CACNA1G: variants seen among roughly 807,000 people sequenced by gnomAD.
CACNA1G encodes calcium voltage-gated channel subunit alpha1 G.
CACNA1G carries 67 observed loss-of-function variants against 219.4 expected under a neutral mutation model. The ratio of observed to expected loss-of-function variants is 0.31; its 90% confidence interval spans 0.25 to 0.37. The LOEUF is 0.37. Ranked by LOEUF, CACNA1G falls within the 10% of genes least tolerant of loss-of-function variation. The pLI, the probability that CACNA1G is intolerant of heterozygous loss-of-function variation, is 1.00. For missense variants in CACNA1G, 2,380 were observed against 3,231.4 expected (o/e 0.74, Z 6.39); for synonymous variants, 1,296 against 1,345.3 (o/e 0.96, Z 0.80).
Position 50,600,760 on chromosome 17 carries a change from C to T in CACNA1G, c.3725C>T (p.Ala1242Val), listed in dbSNP as rs753088716. The stretch of plus-strand genomic sequence containing the variant: ...GAACGGGTCCGCGCGTGGATCCGAG[C>T]CCGACTCCCTGCCTGCTGCCTCGAG... ...KGERVRAWIR[A>V]RLPACCLERD... The change falls in exon 18 of 38, where the codon GCC (alanine) becomes GTC (valine). Residue 1242 changes from alanine to valine, a missense_variant. By Grantham distance (64) the Ala-to-Val change is moderately conservative. Coordinates refer to ENST00000359106, the MANE Select transcript of CACNA1G (RefSeq NM_018896.5). This position sits in a 1 kb window ranked among gnomAD's most constrained non-coding sequence, Gnocchi z 4.1. 6.2e-7 allele frequency: 1 copy of T among 1,613,848 alleles called. No homozygotes were observed. The highest frequency in any genetic ancestry group is 1.7e-5 in the Admixed American group (1 of 60,028).
At chr17:50,569,090 TG>T in intron 2 of CACNA1G, 74 bp from the exon 3 acceptor site, 1 of 1,569,650 alleles carries the variant, frequency 6.4e-7, no homozygotes, top group Non-Finnish European at 8.7e-7. Context: ...ACCCAACTGG[TG>T]GGGACTAGGG....
chr17:50,601,021 C>G (rs373435205), intron 18 of CACNA1G, 30 bp from the exon 19 acceptor site: 7 of 1,609,064 alleles, frequency 4.4e-6, no homozygotes, highest in African/African-American at 2.7e-5. Flanking sequence ...CTGCCTCCCC[C>G]TCTCAGCCGT....
intron 23 of CACNA1G, chr17:50,606,273 G>C (rs1251951173): frequency 1.4e-6 from 1 of 717,696 alleles, no homozygotes; most frequent in Admixed American, 2.0e-5. Context: ...AGGGTAAGGG[G>C]CTTGCCCAGG....
Position 50,618,947 on chromosome 17 carries a change from G to A in CACNA1G, c.5720G>A (p.Gly1907Glu), listed in dbSNP as rs762409956. The A allele has an allele frequency of 1.6e-5, 26 of 1,596,292 alleles. No individual in the cohort carries two copies. Among genetic ancestry groups the A allele is most frequent in the Non-Finnish European group, 2.1e-5 (25 of 1,170,260 alleles). The change falls in exon 33 of 38, where the codon GGG (glycine) becomes GAG (glutamate). Residue 1907 changes from glycine (G) to glutamate (E), a missense_variant. This residue lies in a region of CACNA1G where 672 missense variants were observed against 670.5 expected (regional missense o/e 1.00). Transcript: ENST00000359106. The surrounding 1 kb of genome is among the most constrained non-coding windows in gnomAD (Gnocchi z 5.3). Reference protein sequence around the residue: ...GPDSPDSPKPGALHPAAHARS... With the variant: ...GPDSPDSPKPEALHPAAHARS... Reference sequence around the variant, plus strand: ...GACAGCCCCGACAGCCCCAAGCCTGGGGCTCTGCACCCAGCGGCCCACGCG... The same window carrying A: ...GACAGCCCCGACAGCCCCAAGCCTGAGGCTCTGCACCCAGCGGCCCACGCG...
At chr17:50,568,550 C>T (rs143921345) in intron 1 of CACNA1G, among the ~76,000 whole-genome samples, 40 of 152,348 alleles carry the variant, frequency 2.6e-4, no homozygotes, top group African/African-American at 9.6e-4. Flanking sequence ...GCAGCAAACT[C>T]ATGGTGTCTG....
In CACNA1G at chr17:50,569,728, C is replaced by T. The variant is rs2144656854; in HGVS notation, c.511C>T (p.Leu171=). ...CAGGATGCTGGAGTACTCGCTGGAC[C>T]TGCAGAACGTCAGCTTCTCAGCTGT... The part of the protein sequence containing the change: ...IAGMLEYSLD[L]QNVSFSAVRT... Residue 171 remains leucine, a synonymous_variant, in exon 4 of 38, where the codon CTG becomes TTG. Transcript: ENST00000359106. The T allele has an allele frequency of 1.9e-6, 3 of 1,550,884 alleles. No homozygotes were observed. Among genetic ancestry groups the T allele is most frequent in the African/African-American group, 2.7e-5 (2 of 73,158 alleles).
rs2145766331 is a variant in CACNA1G at position 50,600,111 on chromosome 17, G to A, written c.3690+252G>A. On this transcript the variant is annotated intron_variant, in intron 17 of 37. Transcript: ENST00000359106. This position sits in a 1 kb window ranked among gnomAD's most constrained non-coding sequence, Gnocchi z 4.1. ...GATATGAATGATTTTGGACAGATGT[G>A]TATGAATCTTTCATGGCCCTCCCCC... 6.6e-6 allele frequency among the ~76,000 whole-genome samples: 1 copy of A among 152,288 alleles called. No homozygotes were observed. The highest frequency in any genetic ancestry group is 2.1e-4 in the South Asian group (1 of 4,822).
At chr17:50,609,315 C>T (rs2048669032) in intron 25 of CACNA1G, among the ~76,000 whole-genome samples, 2 of 152,130 alleles carry the variant, frequency 1.3e-5, no homozygotes, top group Non-Finnish European at 2.9e-5. Flanking sequence ...CTCTGGGCAG[C>T]AATGGGAGGT....
At chr17:50,585,610 T>C (rs530989054) in intron 9 of CACNA1G, among the ~76,000 whole-genome samples, 1 of 151,926 alleles carries the variant, frequency 6.6e-6, no homozygotes, top group Non-Finnish European at 1.5e-5. Flanking sequence ...GGGGGCACCA[T>C]GACACCTAGC....
Position 50,609,916 on chromosome 17 carries a change from C to T in CACNA1G, c.4740C>T (p.Ser1580=). 1 of 1,611,308 alleles carries T rather than the reference C, an allele frequency of 6.2e-7. No individual in the cohort carries two copies. Among genetic ancestry groups the T allele is most frequent in the East Asian group, 2.2e-5 (1 of 44,886 alleles). The change falls in exon 26 of 38, where the codon AGC becomes AGT. Residue 1580 remains serine, a synonymous_variant. Transcript: ENST00000359106. The stretch of plus-strand genomic sequence containing the variant: ...TGGACGATGTAATTGCTTCCGGCAG[C>T]TCAGCCAGCGCTGCGTCAGGTACTG... ...LMLDDVIASG[S]SASAASEAQC... is the part of the protein sequence containing the mutation.
At chr17:50,611,176 C>T (rs2049115551) in intron 26 of CACNA1G, among the ~76,000 whole-genome samples, 1 of 151,264 alleles carries the variant, frequency 6.6e-6, no homozygotes, top group South Asian at 2.1e-4. Flanking sequence ...ATCGCTTCAA[C>T]CCGGGAGGCG....
chr17:50,570,985 G>C (rs2039312216), intron 4 of CACNA1G, among the ~76,000 whole-genome samples: 1 of 152,232 alleles, frequency 6.6e-6, no homozygotes, highest in African/African-American at 2.4e-5. Flanking sequence ...AGCCATTAGA[G>C]ATCTGTCTGC....
Position 50,617,606 on chromosome 17 carries a change from G to A in CACNA1G, c.5155+35G>A, listed in dbSNP as rs1241635570. ...CAGCCCACGCACCTGCCCTCCTAGG[G>A]TGACCAGCCCAGGGAGAGAGAGCAA... is the stretch of plus-strand genomic sequence containing the variant. On this transcript the variant is annotated intron_variant, in intron 29 of 37. Transcript: ENST00000359106. The surrounding 1 kb of genome is among the most constrained non-coding windows in gnomAD (Gnocchi z 5.8). The A allele has an allele frequency of 3.7e-6, 6 of 1,608,106 alleles. No individual in the cohort carries two copies. The East Asian group carries it at 1.1e-4, about 30-fold the overall frequency.
intron 23 of CACNA1G, 116 bp from the exon 24 acceptor site, chr17:50,606,784 C>G: frequency 1.4e-6 from 1 of 729,002 alleles, no homozygotes; most frequent in Non-Finnish European, 2.5e-6. Context: ...TCCAGCTTGA[C>G]CCCTCAAGGG....
At position 50,561,307 on chromosome 17, in the gene CACNA1G, C is replaced by T; in HGVS notation, c.-153C>T. ...AGCATGCCCCTGCGGGCAGGGGGAGCTGGGCTGAACTGGCCCTCCCGGGGG... is the reference window on the plus strand; with the variant it reads ...AGCATGCCCCTGCGGGCAGGGGGAGTTGGGCTGAACTGGCCCTCCCGGGGG... On this transcript the variant is annotated 5_prime_UTR_variant, in exon 1 of 38. Transcript: ENST00000359106. 1 of 864,210 alleles carries T rather than the reference C, an allele frequency of 1.2e-6. No homozygotes were observed. The highest frequency in any genetic ancestry group is 1.7e-6 in the Non-Finnish European group (1 of 581,372). The allele number at this position is 864,210 out of a possible 1,614,324, so 53.5% of individuals were successfully genotyped here.
intron 9 of CACNA1G, among the ~76,000 whole-genome samples, chr17:50,581,404 G>A (rs1161590298): frequency 1.3e-5 from 2 of 151,966 alleles, no homozygotes; most frequent in African/African-American, 4.8e-5. Flanking sequence ...ATGGGGGGGC[G>A]GGCACTGGAA....
intron 26 of CACNA1G, among the ~76,000 whole-genome samples, chr17:50,611,715 T>C (rs147476993): frequency 2.6e-5 from 4 of 152,274 alleles, no homozygotes; most frequent in Admixed American, 6.5e-5. Flanking sequence ...GACTGAAGTG[T>C]GCACACTTTC....
chr17:50,603,204 C>T lies in CACNA1G; in HGVS notation c.4169+5C>T. The T allele has an allele frequency of 6.3e-7, 1 of 1,599,992 alleles. No individual in the cohort carries two copies. Among genetic ancestry groups the T allele is most frequent in the Middle Eastern group, 2.0e-4 (1 of 5,044 alleles). On this transcript the variant is annotated splice_donor_5th_base_variant and intron_variant, in intron 21 of 37. Transcript: ENST00000359106. The surrounding 1 kb of genome is among the most constrained non-coding windows in gnomAD (Gnocchi z 6.4). ...GCGGACCCTGCGCCCGCTCAGGTGA[C>T]TCCCTCCCCAGCACTGGAACACCTC...
At chr17:50,587,667 A>C (rs552425632) in intron 9 of CACNA1G, among the ~76,000 whole-genome samples, 61 of 152,362 alleles carry the variant, frequency 4.0e-4, no homozygotes, top group Admixed American at 2.9e-3. Flanking sequence ...GGCAGGGCCG[A>C]GGGAGTGCGC....
Sources: gnomAD v4.1 joint callset for allele counts (sites outside exome capture counted in the v4.1 genomes callset) on GRCh38, gnomAD v4.1.1 for gene constraint, gnomAD v4.1.1 regional missense constraint, Gnocchi (gnomAD v3.1) non-coding constraint, MANE v1.5 for transcripts, NCBI Gene and HGNC (gene_info 2026-07-23, HGNC 2026-07-21) for gene names.